The following PLCB1 variants were observed in gnomAD, a reference collection of about 807,000 sequenced individuals.
PLCB1 encodes the protein phospholipase C beta 1.
A neutral mutation model predicts 161.8 loss-of-function variants in PLCB1; 46 were observed. That is an observed-to-expected ratio of 0.28 (90% CI 0.22 to 0.36). The LOEUF (loss-of-function observed/expected upper bound fraction) is 0.36, where lower values mean the gene tolerates loss of function less well. Among genes scored for constraint, PLCB1 ranks in the 10% least tolerant of loss-of-function variants. The probability of loss-of-function intolerance (pLI) is 1.00; values close to 1 mark genes in which losing one functional copy is unlikely to be tolerated. For missense variants in PLCB1, 1,016 were observed against 1,472.5 expected (o/e 0.69, Z 5.07); for synonymous variants, 517 against 503.7 (o/e 1.03, Z -0.35).
intron 31 of PLCB1, among the ~76,000 whole-genome samples, chr20:8,844,700 G>A (rs150235341): frequency 5.3e-4 from 81 of 152,258 alleles, no homozygotes; most frequent in Admixed American, 1.2e-3. Context: ...ATAGGTATGA[G>A]TAAAGCTAAT....
At chr20:8,243,433 C>A (rs909199289) in intron 2 of PLCB1, among the ~76,000 whole-genome samples, 3 of 151,900 alleles carry the variant, frequency 2.0e-5, no homozygotes, top group African/African-American at 7.2e-5. Context: ...GTATTTTGGC[C>A]AAACCATGAA....
At chr20:8,860,931 T>C (rs1987234596) in intron 31 of PLCB1, among the ~76,000 whole-genome samples, 1 of 152,232 alleles carries the variant, frequency 6.6e-6, no homozygotes, top group Non-Finnish European at 1.5e-5. Flanking sequence ...ATCAATACCA[T>C]CATCATGTCC....
intron 2 of PLCB1, chr20:8,256,642 G>C (rs1291606269): frequency 6.6e-6 from 1 of 152,058 alleles, no homozygotes; most frequent in African/African-American, 2.4e-5. Context: ...CAAGGCAAAA[G>C]GTAGAGAAAA....
chr20:8,689,086 T>A (rs1351957001), intron 10 of PLCB1, among the ~76,000 whole-genome samples: 2 of 3,228 alleles, frequency 6.2e-4, no homozygotes, highest in African/African-American at 0.01. Flanking sequence ...TTCCTCAGTA[T>A]TTTTTTTTTT....
chr20:8,781,417 AACACACAC>A (rs745610188), intron 27 of PLCB1, among the ~76,000 whole-genome samples: 4 of 28,074 alleles, frequency 1.4e-4, no homozygotes, highest in South Asian at 1.8e-3. Context: ...CACACACACA[AACACACAC>A]ACACACACAC....
At chr20:8,771,835 G>C (rs770436784) in intron 26 of PLCB1, among the ~76,000 whole-genome samples, 9 of 134,014 alleles carry the variant, frequency 6.7e-5, no homozygotes, top group Non-Finnish European at 1.3e-4. Context: ...TAAATGAATG[G>C]ATGGGCATTA....
chr20:8,788,854 A>AT, intron 29 of PLCB1, 132 bp downstream of exon 29: 1 of 632,744 alleles, frequency 1.6e-6, no homozygotes. Context: ...CTTTCAAAAG[A>AT]TTCTTTTGGT....
chr20:8,275,889 G>A (rs1034520048), intron 2 of PLCB1, among the ~76,000 whole-genome samples: 1 of 151,650 alleles, frequency 6.6e-6, no homozygotes, highest in African/African-American at 2.4e-5. Flanking sequence ...TCTTTTGTCA[G>A]TGTCAAGGGT....
intron 2 of PLCB1, among the ~76,000 whole-genome samples, chr20:8,315,025 G>T (rs1006567340): frequency 6.6e-6 from 1 of 152,184 alleles, no homozygotes; most frequent in Non-Finnish European, 1.5e-5. Flanking sequence ...TGAGGATGGA[G>T]CTCAAAGCCA....
intron 3 of PLCB1, among the ~76,000 whole-genome samples, chr20:8,512,732 A>G (rs1254325667): frequency 6.6e-6 from 1 of 152,170 alleles, no homozygotes; most frequent in Non-Finnish European, 1.5e-5. Flanking sequence ...TGATACATGT[A>G]TACATTGTGG....
At chr20:8,642,251 A>C (rs1057368143) in intron 4 of PLCB1, among the ~76,000 whole-genome samples, 20 of 152,120 alleles carry the variant, frequency 1.3e-4, no homozygotes, top group African/African-American at 4.8e-4. Context: ...CTATACCAGA[A>C]TTTTTTCCAA....
chr20:8,788,734 G>A lies in PLCB1; in HGVS notation c.3278+12G>A, dbSNP rs1186634005. On this transcript the variant is annotated intron_variant, in intron 29 of 31. Transcript: ENST00000338037. ...AGTCAGATGGAAGAGTAAGTCAAAA[G>A]TGTCCCCTCTCCCAAACAGTTCATC... The A allele has an allele frequency of 5.2e-6, 8 of 1,534,634 alleles. No individual in the cohort carries two copies. Among genetic ancestry groups the A allele is most frequent in the Non-Finnish European group, 7.2e-6 (8 of 1,112,372 alleles).
At chr20:8,511,647 C>G (rs1398376004) in intron 3 of PLCB1, among the ~76,000 whole-genome samples, 1 of 152,122 alleles carries the variant, frequency 6.6e-6, no homozygotes, top group African/African-American at 2.4e-5. Context: ...CAACTGTGTA[C>G]AGGGGTTCCC....
At chr20:8,250,748 G>A (rs539921236) in intron 2 of PLCB1, among the ~76,000 whole-genome samples, 96 of 152,046 alleles carry the variant, frequency 6.3e-4, no homozygotes, top group African/African-American at 2.2e-3. Context: ...AGGTCAGGGG[G>A]CAAGAGCCAT....
At chr20:8,613,368 A>C (rs1433311490) in intron 3 of PLCB1, among the ~76,000 whole-genome samples, 2 of 152,202 alleles carry the variant, frequency 1.3e-5, no homozygotes, top group Non-Finnish European at 2.9e-5. Flanking sequence ...GATGAGTTTA[A>C]CAATGGACAA....
At chr20:8,482,092 ATTTTTT>A (rs199634903) in intron 3 of PLCB1, among the ~76,000 whole-genome samples, 11 of 104,884 alleles carry the variant, frequency 1.0e-4, no homozygotes, top group Admixed American at 8.0e-4. Context: ...GCTTGAAGGA[ATTTTTT>A]TTTTTTTTTT....
chr20:8,301,730 G>A (rs181545621), intron 2 of PLCB1, among the ~76,000 whole-genome samples: 1 of 152,296 alleles, frequency 6.6e-6, no homozygotes, highest in Non-Finnish European at 1.5e-5. Context: ...AATTTAAAAT[G>A]TGCAAATGCT....
intron 10 of PLCB1, among the ~76,000 whole-genome samples, chr20:8,693,359 A>G (rs2144125): frequency 0.88 from 134,272 of 152,178 alleles, 59,304 homozygotes; most frequent in East Asian, 0.99. Flanking sequence ...GTGTTCAAGA[A>G]AGCACCATGG....
intron 3 of PLCB1, among the ~76,000 whole-genome samples, chr20:8,466,534 C>A (rs1981833697): frequency 6.6e-6 from 1 of 151,908 alleles, no homozygotes; most frequent in South Asian, 2.1e-4. Flanking sequence ...GTGTGAGAAA[C>A]AAAACACACA....
Sources: gnomAD v4.1 joint callset for allele counts (sites outside exome capture counted in the v4.1 genomes callset) on GRCh38, gnomAD v4.1.1 for gene constraint, MANE v1.5 for transcripts, NCBI Gene and HGNC (gene_info 2026-07-23, HGNC 2026-07-21) for gene names.